LTBP1: variants seen among roughly 807,000 people sequenced by gnomAD.
The protein encoded by LTBP1 is latent transforming growth factor beta binding protein 1.
In LTBP1, 129 loss-of-function variants were observed where a neutral mutation model predicts 207.6. The observed-to-expected ratio is 0.62, with a 90% CI of 0.54 to 0.72. The LOEUF (loss-of-function observed/expected upper bound fraction) is 0.72, where lower values mean the gene tolerates loss of function less well. LTBP1 is among the 30% of genes least tolerant of loss of function. The pLI, the probability that LTBP1 is intolerant of heterozygous loss-of-function variation, is 0.00. For missense variants in LTBP1, 2,281 were observed against 2,217.2 expected, an observed-to-expected ratio of 1.03 and a Z score of -0.58; for synonymous variants, 963 against 833.7, an observed-to-expected ratio of 1.16 and a Z score of -2.67.
intron 24 of LTBP1, among the ~76,000 whole-genome samples, chr2:33,318,914 G>A (rs1227237491): frequency 6.6e-6 from 1 of 151,498 alleles, no homozygotes; most frequent in Non-Finnish European, 1.5e-5. Context: ...GGGCAACATA[G>A]CAAGACTCTG....
At chr2:33,012,728 A>G (rs1328214523) in intron 2 of LTBP1, among the ~76,000 whole-genome samples, 1 of 152,234 alleles carries the variant, frequency 6.6e-6, no homozygotes, top group East Asian at 1.9e-4. Context: ...AAACAAATTT[A>G]AAGATTATTT....
At chr2:33,174,756 A>C (rs1304540110) in intron 5 of LTBP1, among the ~76,000 whole-genome samples, 2 of 152,216 alleles carry the variant, frequency 1.3e-5, no homozygotes, top group Admixed American at 6.5e-5. Flanking sequence ...ACTTCAAACT[A>C]TACTACAAGG....
At chr2:33,011,484 TAAG>T (rs2149101885) in intron 2 of LTBP1, among the ~76,000 whole-genome samples, 1 of 152,130 alleles carries the variant, frequency 6.6e-6, no homozygotes, top group Non-Finnish European at 1.5e-5. Flanking sequence ...GATGTTCTTA[TAAG>T]AAGAGGCAAT....
At chr2:33,350,024 T>C (rs1216633913) in intron 26 of LTBP1, among the ~76,000 whole-genome samples, 2 of 152,234 alleles carry the variant, frequency 1.3e-5, no homozygotes, top group East Asian at 3.8e-4. Flanking sequence ...TGGTTAAATG[T>C]AGGCCAGTTA....
chr2:33,077,627 C>T (rs1210776858), intron 3 of LTBP1, among the ~76,000 whole-genome samples: 1 of 152,110 alleles, frequency 6.6e-6, no homozygotes, highest in Non-Finnish European at 1.5e-5. Flanking sequence ...AAGAGTCCAC[C>T]CCCATGATCC....
intron 19 of LTBP1, among the ~76,000 whole-genome samples, chr2:33,288,732 G>A (rs1301647069): frequency 6.6e-6 from 1 of 151,878 alleles, no homozygotes; most frequent in African/African-American, 2.4e-5. Flanking sequence ...GCAGGCACCT[G>A]TAGTCCCAGC....
intron 32 of LTBP1, among the ~76,000 whole-genome samples, chr2:33,396,915 C>G (rs1320389442): frequency 1.3e-5 from 2 of 152,146 alleles, no homozygotes; most frequent in Admixed American, 1.3e-4. Flanking sequence ...TATCAGAATT[C>G]AAAATGAGGC....
In LTBP1 at chr2:33,014,368, G is replaced by A. The variant is rs115953235; in HGVS notation, c.566-6541G>A. Among the ~76,000 whole-genome samples the A allele has an allele frequency of 1.9e-3, 287 of 152,222 alleles. 2 individuals carry two copies. Among genetic ancestry groups the A allele is most frequent in the African/African-American group, 6.6e-3 (275 of 41,530 alleles). ...GTACAAGGAGCAAGCAGACAGAGTA[G>A]ACTAAAATGTGTGACCTCATGCTAT... On this transcript the variant is annotated intron_variant, in intron 2 of 33. Coordinates refer to ENST00000404816, the MANE Select transcript of LTBP1 (RefSeq NM_206943.4).
intron 19 of LTBP1, among the ~76,000 whole-genome samples, chr2:33,289,761 G>GA (rs1267309892): frequency 6.6e-6 from 1 of 152,144 alleles, no homozygotes; most frequent in Non-Finnish European, 1.5e-5. Flanking sequence ...TGCACTGGAA[G>GA]AATTTGGGTA....
At chr2:33,377,195 CA>C (rs1388355481) in intron 31 of LTBP1, among the ~76,000 whole-genome samples, 3 of 152,358 alleles carry the variant, frequency 2.0e-5, no homozygotes, top group African/African-American at 4.8e-5. Context: ...TGTCCTGGAA[CA>C]AGCTGCCATT....
chr2:33,157,690 G>A (rs904672778), intron 5 of LTBP1, among the ~76,000 whole-genome samples: 1 of 152,148 alleles, frequency 6.6e-6, no homozygotes, highest in Non-Finnish European at 1.5e-5. Flanking sequence ...CTGTACTGGA[G>A]ATTTCTAATG....
rs1361814269 is a variant in LTBP1, at chr2:33,399,440, TG to T, written c.*897del. On this transcript the variant is annotated 3_prime_UTR_variant, in exon 34 of 34. Transcript: ENST00000404816. ...CTCTCCCCACTTTTATCTTTTCCAGTGGTCTTCTGTTAATGTAGTGTCTTTT... is the reference window on the plus strand; with the variant it reads ...CTCTCCCCACTTTTATCTTTTCCAGTGTCTTCTGTTAATGTAGTGTCTTTT... The T allele has an allele frequency of 4.6e-5, 7 of 152,200 alleles. No individual in the cohort carries two copies. Among genetic ancestry groups the T allele is most frequent in the African/African-American group, 1.7e-4 (7 of 41,448 alleles). 9.4% of individuals were successfully genotyped at this position (152,200 alleles called of 1,614,324 possible).
intron 20 of LTBP1, among the ~76,000 whole-genome samples, chr2:33,294,207 G>GT (rs548718251): frequency 6.7e-6 from 1 of 150,030 alleles, no homozygotes; most frequent in African/African-American, 2.4e-5. Flanking sequence ...TGTTTTGGGT[G>GT]TTTTTTTGAG....
At chr2:33,264,378 A>G (rs775305177) in intron 15 of LTBP1, among the ~76,000 whole-genome samples, 2 of 152,198 alleles carry the variant, frequency 1.3e-5, no homozygotes, top group Non-Finnish European at 2.9e-5. Context: ...ATACTGGATC[A>G]TGGATAATTA....
chr2:32,947,888 C>A (rs1676471493), intron 1 of LTBP1, 70 bp downstream of exon 1: 6 of 1,226,428 alleles, frequency 4.9e-6, no homozygotes, highest in Middle Eastern at 6.4e-4. Flanking sequence ...CCTGCGGGGT[C>A]AGGGCCACTC....
intron 2 of LTBP1, among the ~76,000 whole-genome samples, chr2:32,950,856 C>CA (rs1444920546): frequency 2.0e-5 from 3 of 152,164 alleles, no homozygotes; most frequent in Non-Finnish European, 4.4e-5. Context: ...AGAGGATAGG[C>CA]CCCCATTTTC....
intron 25 of LTBP1, among the ~76,000 whole-genome samples, chr2:33,344,028 T>C (rs1260420012): frequency 6.6e-6 from 1 of 152,164 alleles, no homozygotes. Context: ...GGTTTGAAAA[T>C]TTGCAATTAA....
intron 5 of LTBP1, among the ~76,000 whole-genome samples, chr2:33,180,299 G>C (rs1178732740): frequency 1.3e-5 from 2 of 152,118 alleles, no homozygotes; most frequent in Non-Finnish European, 2.9e-5. Flanking sequence ...CTTCTTTCTT[G>C]GTCATGTGTA....
chr2:33,275,061 T>C lies in LTBP1; in HGVS notation c.2840T>C (p.Met947Thr), dbSNP rs144262053. 6.5e-4 allele frequency: 1,048 copies of C among 1,614,096 alleles called. 2 individuals are homozygous for C. Among genetic ancestry groups the C allele is most frequent in the Middle Eastern group, 4.6e-3 (28 of 6,062 alleles). ...TTGTGCATTTGCCCAGCAGGATTTA[T>C]GGCCAGTGAGGAGGGTACTAACTGC... ...SFLCICPAGF[M>T]ASEEGTNCID... Residue 947 changes from methionine (M) to threonine (T), a missense_variant, in exon 17 of 34, where the codon ATG becomes ACG. By Grantham distance (81) the Met-to-Thr change is moderately conservative. Coordinates refer to ENST00000404816, the MANE Select transcript of LTBP1 (RefSeq NM_206943.4).
Sources: allele counts gnomAD v4.1 joint callset (sites outside exome capture counted in the v4.1 genomes callset), GRCh38; gene constraint gnomAD v4.1.1; transcripts MANE v1.5; gene names NCBI Gene and HGNC (gene_info 2026-07-23, HGNC 2026-07-21).